The following PEAK1 variants were observed in gnomAD, a reference collection of about 807,000 sequenced individuals.
PEAK1 encodes inactive tyrosine-protein kinase PEAK1.
A neutral mutation model predicts 124.7 loss-of-function variants in PEAK1; 54 were observed. The observed-to-expected ratio is 0.43, with a 90% CI of 0.35 to 0.54. The LOEUF is 0.54. Ranked by LOEUF, PEAK1 falls within the 20% of genes least tolerant of loss-of-function variation. The pLI is 0.01. For missense variants in PEAK1, 2,046 were observed against 2,134.5 expected, an observed-to-expected ratio of 0.96 and a Z score of 0.82; for synonymous variants, 719 against 760.0, an observed-to-expected ratio of 0.95 and a Z score of 0.89.
chr15:77,324,722 T>C (rs954746046), intron 2 of PEAK1, among the ~76,000 whole-genome samples: 11 of 152,028 alleles, frequency 7.2e-5, no homozygotes, highest in Non-Finnish European at 1.3e-4. Context: ...CAAGAACGGA[T>C]AGGAGGTGCC....
At chr15:77,272,160 G>A (rs2152955667) in intron 5 of PEAK1, among the ~76,000 whole-genome samples, 1 of 152,252 alleles carries the variant, frequency 6.6e-6, no homozygotes, top group South Asian at 2.1e-4. Context: ...ACATTGTTAA[G>A]TCTGAAGGAG....
In PEAK1 at chr15:77,360,499, A is replaced by G. The variant is rs2067818099; in HGVS notation, c.-603+4664T>C. The stretch of plus-strand genomic sequence containing the variant: ...GTATCCAGCCAATATATATACACAT[A>G]TAAGTTGATCCTTGGACAACATAGG... On this transcript the variant is annotated intron_variant, in intron 2 of 9. Coordinates refer to ENST00000682557, the MANE Select transcript of PEAK1 (RefSeq NM_001385026.1). Among the ~76,000 whole-genome samples, 4 of 152,220 alleles carry G rather than the reference A, an allele frequency of 2.6e-5. No homozygotes were observed. The South Asian group carries it at 6.2e-4, about 24-fold the overall frequency.
At chr15:77,417,734 A>G in intron 1 of PEAK1, 12 of 985,484 alleles carry the variant, frequency 1.2e-5, no homozygotes, top group Non-Finnish European at 1.4e-5. Context: ...CAGTACAGTT[A>G]AAAAGAACAA....
chr15:77,333,682 T>A, intron 2 of PEAK1: 1 of 973,424 alleles, frequency 1.0e-6, no homozygotes, highest in Non-Finnish European at 1.2e-6. Flanking sequence ...TTACCACTTT[T>A]GTTTACTAAT....
At chr15:77,332,654 G>A (rs2065962296) in intron 2 of PEAK1, among the ~76,000 whole-genome samples, 1 of 152,064 alleles carries the variant, frequency 6.6e-6, no homozygotes. Flanking sequence ...AATTTTATTA[G>A]TTAATGGACA....
intron 2 of PEAK1, among the ~76,000 whole-genome samples, chr15:77,294,669 G>A (rs978816757): frequency 4.6e-5 from 7 of 152,160 alleles, no homozygotes; most frequent in Non-Finnish European, 8.8e-5. Context: ...GAAATTTGCA[G>A]TCTTATGTAG....
chr15:77,287,266 T>A lies in PEAK1; in HGVS notation c.-602-762A>T, dbSNP rs149426092. ...AGTAATTCTTAAAACAAAACCAGAA[T>A]AGGAGACTTCATGGTGCCTAGCACA... On this transcript the variant is annotated intron_variant, in intron 2 of 9. Coordinates refer to ENST00000682557, the MANE Select transcript of PEAK1 (RefSeq NM_001385026.1). 4.3e-4 allele frequency among the ~76,000 whole-genome samples: 66 copies of A among 152,276 alleles called. 2 individuals are homozygous for A. In the East Asian group the frequency reaches 0.013, roughly 29 times the overall value.
rs2058072622 is a variant in PEAK1 at position 77,195,785 on chromosome 15, T to C, written c.-114-13745A>G. On this transcript the variant is annotated intron_variant, in intron 6 of 9. Transcript: ENST00000682557. Reference sequence around the variant, plus strand: ...GTGACATGTACTAATTAATCAGGCCTATTCAATGAATGAGCATATTAAAAT... The same window carrying C: ...GTGACATGTACTAATTAATCAGGCCCATTCAATGAATGAGCATATTAAAAT... 2.0e-5 allele frequency among the ~76,000 whole-genome samples: 3 copies of C among 152,350 alleles called. No individual in the cohort carries two copies. The South Asian group carries it at 6.2e-4, about 32-fold the overall frequency.
intron 6 of PEAK1, among the ~76,000 whole-genome samples, chr15:77,243,499 CAGT>C (rs2060446381): frequency 6.6e-6 from 1 of 152,180 alleles, no homozygotes; most frequent in Non-Finnish European, 1.5e-5. Context: ...TTTTCTTAAT[CAGT>C]AGGATTTGAA....
At chr15:77,420,752 A>G (rs2142246219), upstream of PEAK1, 1 of 397,886 alleles carries the variant, frequency 2.5e-6, no homozygotes, top group African/African-American at 2.1e-5. Context: ...CGTGGAAAAT[A>G]TTTCATTTTT....
intron 8 of PEAK1, among the ~76,000 whole-genome samples, chr15:77,138,901 G>T (rs184778417): frequency 6.6e-6 from 1 of 151,144 alleles, no homozygotes; most frequent in East Asian, 1.9e-4. Flanking sequence ...GTGTCTTTAT[G>T]CTACAAATCT....
intron 2 of PEAK1, chr15:77,346,400 G>A (rs1315172074): frequency 1.0e-6 from 1 of 983,132 alleles, no homozygotes; most frequent in African/African-American, 1.8e-5. Flanking sequence ...TTATGAGAAG[G>A]CAATTTCATT....
At chr15:77,324,754 T>A (rs369843272) in intron 2 of PEAK1, among the ~76,000 whole-genome samples, 1 of 152,072 alleles carries the variant, frequency 6.6e-6, no homozygotes, top group Non-Finnish European at 1.5e-5. Context: ...AATGACCAGA[T>A]CTTGCAAGAA....
intron 6 of PEAK1, among the ~76,000 whole-genome samples, chr15:77,249,358 T>A (rs938569759): frequency 6.6e-6 from 1 of 152,180 alleles, no homozygotes; most frequent in African/African-American, 2.4e-5. Context: ...TAGATAAAAC[T>A]ATTTGACTCA....
At chr15:77,151,545 C>T (rs1381617751) in intron 8 of PEAK1, among the ~76,000 whole-genome samples, 7 of 152,092 alleles carry the variant, frequency 4.6e-5, no homozygotes, top group East Asian at 1.9e-4. Context: ...TTGGCTTTTG[C>T]TGCCATTGCT....
intron 7 of PEAK1, among the ~76,000 whole-genome samples, chr15:77,175,372 C>T (rs1242818631): frequency 2.0e-5 from 3 of 151,938 alleles, no homozygotes; most frequent in African/African-American, 7.3e-5. Context: ...GGGCTAATAT[C>T]CAGAATCTAC....
chr15:77,175,494 A>G (rs1480959176), intron 7 of PEAK1, among the ~76,000 whole-genome samples: 27 of 151,744 alleles, frequency 1.8e-4, no homozygotes, highest in Non-Finnish European at 3.0e-5. Context: ...CAAAAGACAC[A>G]TGAAAAAATG....
intron 2 of PEAK1, chr15:77,349,175 G>T (rs1250878537): frequency 5.1e-6 from 2 of 392,028 alleles, no homozygotes; most frequent in African/African-American, 4.4e-5. Flanking sequence ...GAGTAGCTGG[G>T]ACTACAGGCA....
chr15:77,297,239 T>C (rs186872439), intron 2 of PEAK1, among the ~76,000 whole-genome samples: 1 of 152,022 alleles, frequency 6.6e-6, no homozygotes, highest in Admixed American at 6.5e-5. Context: ...AAAGCATATG[T>C]TTCATAGCAG....
Sources: gnomAD v4.1 joint callset for allele counts (sites outside exome capture counted in the v4.1 genomes callset) on GRCh38, gnomAD v4.1.1 for gene constraint, MANE v1.5 for transcripts, NCBI Gene and HGNC (gene_info 2026-07-23, HGNC 2026-07-21) for gene names.